The following GRIA3 variants were observed in gnomAD, a reference collection of about 807,000 sequenced individuals.
GRIA3 encodes the protein glutamate ionotropic receptor AMPA type subunit 3, also known as glutamate receptor 3.
Under a neutral mutation model 63.0 loss-of-function variants are expected in GRIA3, and 3 were observed. The observed-to-expected ratio is 0.05, with a 90% CI of 0.02 to 0.12. The LOEUF is 0.12. Ranked by LOEUF, GRIA3 falls within the 10% of genes least tolerant of loss-of-function variation. The pLI, the probability that GRIA3 is intolerant of heterozygous loss-of-function variation, is 1.00. For synonymous variants in GRIA3, 274 were observed against 257.9 expected (o/e 1.06, Z -0.60); for missense variants, 347 against 700.9 (o/e 0.50, Z 5.70).
At chrX:123,332,899 G>C (rs1257268733) in intron 4 of GRIA3, among the ~76,000 whole-genome samples, 1 of 111,239 alleles carries the variant, frequency 9.0e-6, no homozygotes, top group Non-Finnish European at 1.9e-5. Context: ...AGTTCTTCTA[G>C]AGACTTGCTT....
intron 12 of GRIA3, among the ~76,000 whole-genome samples, chrX:123,440,328 A>C (rs1234227215): frequency 8.9e-6 from 1 of 112,340 alleles, no homozygotes; most frequent in Non-Finnish European, 1.9e-5. Flanking sequence ...GGGATTGTGG[A>C]GTCAAATGGT....
chrX:123,382,344 C>G (rs973180478), intron 5 of GRIA3, among the ~76,000 whole-genome samples: 1 of 111,277 alleles, frequency 9.0e-6, no homozygotes, highest in African/African-American at 3.3e-5. Context: ...TGACCTCCCC[C>G]TGGTTTAATC....
chrX:123,402,939 T>G, intron 7 of GRIA3, 55 bp from the exon 8 acceptor site: 1 of 640,773 alleles, frequency 1.6e-6, no homozygotes, highest in Non-Finnish European at 2.6e-6. Context: ...CCCAGAGACT[T>G]AGAAGGCAAT....
chrX:123,309,201 G>A (rs6608079), intron 3 of GRIA3, among the ~76,000 whole-genome samples: 29,959 of 109,544 alleles, frequency 0.27, 3,501 homozygotes, highest in East Asian at 0.54. Context: ...CCTGGTCAAC[G>A]TGGTGAAACC....
intron 5 of GRIA3, among the ~76,000 whole-genome samples, chrX:123,392,786 C>T (rs773200593): frequency 1.8e-5 from 2 of 112,353 alleles, no homozygotes; most frequent in South Asian, 3.7e-4. Flanking sequence ...TATTTTATTT[C>T]TTCTTTGTAT....
At chrX:123,309,148 G>T (rs1011978454) in intron 3 of GRIA3, among the ~76,000 whole-genome samples, 3 of 111,525 alleles carry the variant, frequency 2.7e-5, no homozygotes, top group African/African-American at 9.8e-5. Context: ...ATTTTGGGAG[G>T]CTGAGGCAGG....
At chrX:123,223,243 A>T (rs1032327379) in intron 2 of GRIA3, among the ~76,000 whole-genome samples, 4 of 112,991 alleles carry the variant, frequency 3.5e-5, no homozygotes, top group East Asian at 5.5e-4. Context: ...ACACTTAAGG[A>T]ATTGATTTCT....
chrX:123,236,614 C>A (rs1240013933), intron 2 of GRIA3, among the ~76,000 whole-genome samples: 1 of 110,600 alleles, frequency 9.0e-6, no homozygotes. Context: ...TCCCACAGAT[C>A]TTCGTATTTT....
intron 7 of GRIA3, among the ~76,000 whole-genome samples, chrX:123,399,009 GA>G (rs926629588): frequency 4.6e-5 from 5 of 107,690 alleles, no homozygotes; most frequent in African/African-American, 1.3e-4. Context: ...CTTGAAGCTT[GA>G]AAAAAAAAGA....
chrX:123,231,808 G>A (rs1029052014), intron 2 of GRIA3, among the ~76,000 whole-genome samples: 3 of 110,901 alleles, frequency 2.7e-5, no homozygotes, highest in Non-Finnish European at 5.7e-5. Flanking sequence ...AAATCCAGAC[G>A]TCTCACCCTT....
chrX:123,285,869 A>C (rs1280372657), intron 3 of GRIA3, among the ~76,000 whole-genome samples: 1 of 111,237 alleles, frequency 9.0e-6, no homozygotes, highest in East Asian at 2.8e-4. Context: ...CAAGACAGAA[A>C]ATTAACAAGG....
chrX:123,357,622 CAAAAATTAAAG>C (rs1196440064), intron 5 of GRIA3, among the ~76,000 whole-genome samples: 1 of 109,223 alleles, frequency 9.2e-6, no homozygotes, highest in East Asian at 2.9e-4. Flanking sequence ...CCAGACCTGA[CAAAAATTAAAG>C]TCTATGGAGT....
At chrX:123,429,254 G>T (rs759682328) in intron 12 of GRIA3, among the ~76,000 whole-genome samples, 1 of 112,187 alleles carries the variant, frequency 8.9e-6, no homozygotes, top group African/African-American at 3.2e-5. Context: ...ATTATCATGA[G>T]ATTTGTCCAA....
chrX:123,341,691 C>T (rs1467183877), intron 4 of GRIA3, among the ~76,000 whole-genome samples: 3 of 112,463 alleles, frequency 2.7e-5, no homozygotes, highest in Non-Finnish European at 3.8e-5. Context: ...TAGAATATCA[C>T]GTACCACCAT....
At chrX:123,287,082 C>T (rs2044624995) in intron 3 of GRIA3, among the ~76,000 whole-genome samples, 1 of 112,020 alleles carries the variant, frequency 8.9e-6, no homozygotes, top group Admixed American at 9.5e-5. Flanking sequence ...AAGTTGGCTT[C>T]ATCCCTGGGA....
chrX:123,245,569 G>C (rs1011308882), intron 2 of GRIA3, among the ~76,000 whole-genome samples: 18 of 112,086 alleles, frequency 1.6e-4, no homozygotes, highest in African/African-American at 5.5e-4. Context: ...AAAAGGAGGA[G>C]TAAGAGAGGT....
At chrX:123,375,217 T>C (rs780653764) in intron 5 of GRIA3, among the ~76,000 whole-genome samples, 2 of 112,191 alleles carry the variant, frequency 1.8e-5, no homozygotes, top group Non-Finnish European at 3.8e-5. Flanking sequence ...TCCTTCATCG[T>C]GTTGATATGA....
At chrX:123,251,656 G>A (rs1603048851) in intron 2 of GRIA3, among the ~76,000 whole-genome samples, 1 of 111,382 alleles carries the variant, frequency 9.0e-6, no homozygotes, top group African/African-American at 3.3e-5. Flanking sequence ...GGGTGGTCTC[G>A]ATCTCCTGAC....
intron 3 of GRIA3, among the ~76,000 whole-genome samples, chrX:123,254,199 C>T (rs1451298958): frequency 9.0e-6 from 1 of 111,492 alleles, no homozygotes; most frequent in Non-Finnish European, 1.9e-5. Flanking sequence ...CAGTCTACGG[C>T]CATACCACTC....
Sources: gnomAD v4.1 joint callset for allele counts (sites outside exome capture counted in the v4.1 genomes callset) on GRCh38, gnomAD v4.1.1 for gene constraint, MANE v1.5 for transcripts, NCBI Gene and HGNC (gene_info 2026-07-23, HGNC 2026-07-21) for gene names.